The following PDE8B variants were observed in gnomAD, a reference collection of about 807,000 sequenced individuals.
PDE8B encodes high affinity cAMP-specific and IBMX-insensitive 3',5'-cyclic phosphodiesterase 8B.
PDE8B carries 26 observed loss-of-function variants against 101.3 expected under a neutral mutation model. The ratio of observed to expected loss-of-function variants is 0.26; its 90% CI spans 0.19 to 0.36. The LOEUF (loss-of-function observed/expected upper bound fraction) is 0.36, where lower values mean the gene tolerates loss of function less well. Ranked by LOEUF, PDE8B falls within the 10% of genes least tolerant of loss-of-function variation. The probability of loss-of-function intolerance (pLI) is 1.00; values close to 1 mark genes in which losing one functional copy is unlikely to be tolerated. For synonymous variants in PDE8B, 424 were observed against 429.3 expected, an observed-to-expected ratio of 0.99 and a Z score of 0.15; for missense variants, 810 against 1,163.1, an observed-to-expected ratio of 0.70 and a Z score of 4.42.
Position 77,411,735 on chromosome 5 carries a change from T to C in PDE8B, c.1576+14T>C, listed in dbSNP as rs779315060. On this transcript the variant is annotated intron_variant, in intron 15 of 21. Coordinates refer to ENST00000264917, the MANE Select transcript of PDE8B (RefSeq NM_003719.5). The stretch of plus-strand genomic sequence containing the variant: ...TGTTTACTAAGAGTAAGTTTTCATC[T>C]ATTTACTTGTTAGTGTAACCTGTCT... The C allele has an allele frequency of 6.3e-7, 1 of 1,588,802 alleles. No individual in the cohort carries two copies. The highest frequency in any genetic ancestry group is 2.2e-5 in the East Asian group (1 of 44,758).
At chr5:77,284,647 C>T (rs1765642895) in intron 1 of PDE8B, among the ~76,000 whole-genome samples, 2 of 152,204 alleles carry the variant, frequency 1.3e-5, no homozygotes, top group African/African-American at 2.4e-5. Context: ...TCAATCATAG[C>T]TCCCTCCCTT....
At chr5:77,180,326 G>A in the PDE8B span, 2 of 476,832 alleles carry the variant, frequency 4.2e-6, no homozygotes, top group Non-Finnish European at 5.5e-6. Context: ...AGCAACCAGA[G>A]CCTTCACGTG....
intron 4 of PDE8B, among the ~76,000 whole-genome samples, chr5:77,330,412 TAGAG>T (rs1441459638): frequency 6.6e-6 from 1 of 152,236 alleles, no homozygotes; most frequent in African/African-American, 2.4e-5. Context: ...ATAGTTCATA[TAGAG>T]AGAGTAGTAA....
At chr5:77,170,154 C>T in the PDE8B span, among the ~76,000 whole-genome samples, 1 of 152,174 alleles carries the variant, frequency 6.6e-6, no homozygotes, top group Non-Finnish European at 1.5e-5. Context: ...TGTTTTCCTC[C>T]ATCATACCCA....
At chr5:77,238,762 T>A (rs1420616624) in intron 1 of PDE8B, among the ~76,000 whole-genome samples, 3 of 152,136 alleles carry the variant, frequency 2.0e-5, no homozygotes, top group Admixed American at 2.0e-4. Context: ...ACCAGCAGAG[T>A]CAATGTGTAA....
intron 1 of PDE8B, among the ~76,000 whole-genome samples, chr5:77,245,090 A>G (rs144936029): frequency 1.3e-5 from 2 of 152,210 alleles, no homozygotes; most frequent in South Asian, 4.1e-4. Flanking sequence ...TTTTTTAAAA[A>G]CAGCCAAAAA....
chr5:77,420,265 A>G (rs929561611), intron 19 of PDE8B, among the ~76,000 whole-genome samples: 1 of 152,158 alleles, frequency 6.6e-6, no homozygotes, highest in Non-Finnish European at 1.5e-5. Context: ...GTTTTAAAAA[A>G]CAAAGAATGT....
intron 1 of PDE8B, among the ~76,000 whole-genome samples, chr5:77,221,552 T>C (rs575383683): frequency 6.6e-6 from 1 of 152,342 alleles, no homozygotes; most frequent in African/African-American, 2.4e-5. Context: ...TTTTCTGTGA[T>C]GCTAACTCTT....
At position 77,356,424 on chromosome 5, in the gene PDE8B, G is replaced by A. The variant is rs2150507993; in HGVS notation, c.1167+3018G>A. On this transcript the variant is annotated intron_variant, in intron 10 of 21. Coordinates refer to ENST00000264917, the MANE Select transcript of PDE8B (RefSeq NM_003719.5). Reference sequence around the variant, plus strand: ...GCCCTGACATTATATCTGCTCTTGTGTCTTGTTTTGTTTTGTTTTGTTTGA... The same window carrying A: ...GCCCTGACATTATATCTGCTCTTGTATCTTGTTTTGTTTTGTTTTGTTTGA... Among the ~76,000 whole-genome samples, 3 of 152,164 alleles carry A rather than the reference G, an allele frequency of 2.0e-5. No homozygotes were observed. In the Middle Eastern group the frequency reaches 0.01, roughly 518 times the overall value.
intron 1 of PDE8B, among the ~76,000 whole-genome samples, chr5:77,252,535 A>G (rs1758266653): frequency 6.6e-6 from 1 of 152,192 alleles, no homozygotes. Context: ...TTAGTGTGCC[A>G]TTACTAGAAG....
chr5:77,279,043 C>A (rs1764423681), intron 1 of PDE8B, among the ~76,000 whole-genome samples: 1 of 152,130 alleles, frequency 6.6e-6, no homozygotes, highest in African/African-American at 2.4e-5. Flanking sequence ...TTGTTATTTT[C>A]TTGAACTGTT....
chr5:77,301,529 G>A (rs1349697696), intron 1 of PDE8B, among the ~76,000 whole-genome samples: 1 of 152,212 alleles, frequency 6.6e-6, no homozygotes, highest in African/African-American at 2.4e-5. Flanking sequence ...CCACAGTCTG[G>A]ATAATTGCCT....
chr5:77,373,608 G>C (rs1785484144), intron 10 of PDE8B, among the ~76,000 whole-genome samples: 1 of 151,756 alleles, frequency 6.6e-6, no homozygotes, highest in Non-Finnish European at 1.5e-5. Context: ...ACTCCTTTTT[G>C]TGACATCTTT....
intron 10 of PDE8B, among the ~76,000 whole-genome samples, chr5:77,360,030 G>T (rs1256484143): frequency 6.6e-6 from 1 of 151,296 alleles, no homozygotes; most frequent in African/African-American, 2.4e-5. Context: ...GGTGGAGGTT[G>T]TAGCAAGCCA....
At chr5:77,169,360 C>T in the PDE8B span, among the ~76,000 whole-genome samples, 1 of 152,142 alleles carries the variant, frequency 6.6e-6, no homozygotes, top group Non-Finnish European at 1.5e-5. Context: ...CACGTTTTAA[C>T]GTACATCACA....
chr5:77,244,162 A>G (rs937296634), intron 1 of PDE8B, among the ~76,000 whole-genome samples: 1 of 152,120 alleles, frequency 6.6e-6, no homozygotes, highest in African/African-American at 2.4e-5. Context: ...ATCGTAGCAG[A>G]CATACAAACT....
chr5:77,186,274 T>C, the PDE8B span, among the ~76,000 whole-genome samples: 4 of 152,182 alleles, frequency 2.6e-5, no homozygotes, highest in African/African-American at 9.7e-5. Context: ...CCTACGCATA[T>C]TAAAGTCATA....
the PDE8B span, among the ~76,000 whole-genome samples, chr5:77,094,116 A>G: frequency 3.3e-5 from 5 of 152,106 alleles, no homozygotes; most frequent in Non-Finnish European, 7.4e-5. Flanking sequence ...GGGGACTTCA[A>G]AAAGGTTGTG....
intron 17 of PDE8B, among the ~76,000 whole-genome samples, chr5:77,415,345 G>T (rs1795302368): frequency 7.0e-6 from 1 of 143,594 alleles, no homozygotes; most frequent in Non-Finnish European, 1.5e-5. Flanking sequence ...TTTGTGATAA[G>T]CTAAAATTTT....
Sources: gnomAD v4.1 joint callset for allele counts (sites outside exome capture counted in the v4.1 genomes callset) on GRCh38, gnomAD v4.1.1 for gene constraint, MANE v1.5 for transcripts, NCBI Gene and HGNC (gene_info 2026-07-23, HGNC 2026-07-21) for gene names.